Variants in CACNB2 observed in about 807,000 individuals in gnomAD.
The protein encoded by CACNB2 is calcium voltage-gated channel auxiliary subunit beta 2.
Under a neutral mutation model 73.3 loss-of-function variants are expected in CACNB2, and 42 were observed. The ratio of observed to expected loss-of-function variants is 0.57; its 90% CI spans 0.45 to 0.74. The LOEUF (loss-of-function observed/expected upper bound fraction) is 0.74, where lower values mean the gene tolerates loss of function less well. CACNB2 is among the 30% of genes least tolerant of loss of function. The pLI is 0.00. For synonymous variants in CACNB2, 348 were observed against 310.3 expected, an observed-to-expected ratio of 1.12 and a Z score of -1.28; for missense variants, 940 against 853.0, an observed-to-expected ratio of 1.10 and a Z score of -1.27.
At chr10:18,464,896 G>C (rs1270826952) in intron 3 of CACNB2, among the ~76,000 whole-genome samples, 1 of 152,248 alleles carries the variant, frequency 6.6e-6, no homozygotes, top group African/African-American at 2.4e-5. Context: ...AAAGAACCAA[G>C]AGGAAGGAGT....
intron 2 of CACNB2, among the ~76,000 whole-genome samples, chr10:18,324,206 A>G (rs1397875839): frequency 6.6e-6 from 1 of 152,224 alleles, no homozygotes; most frequent in East Asian, 1.9e-4. Flanking sequence ...GGAGAATTAT[A>G]TATTAGATAA....
At chr10:18,332,687 C>T (rs1159199856) in intron 2 of CACNB2, among the ~76,000 whole-genome samples, 1 of 152,028 alleles carries the variant, frequency 6.6e-6, no homozygotes, top group Non-Finnish European at 1.5e-5. Context: ...CACAGTGGGA[C>T]AAAAATAGCA....
intron 2 of CACNB2, among the ~76,000 whole-genome samples, chr10:18,226,298 A>T (rs1179330050): frequency 6.6e-6 from 1 of 152,174 alleles, no homozygotes; most frequent in Non-Finnish European, 1.5e-5. Flanking sequence ...GAGTACTGGG[A>T]TTACAGGTGT....
intron 9 of CACNB2, among the ~76,000 whole-genome samples, chr10:18,525,662 C>T (rs148396601): frequency 6.6e-6 from 1 of 152,194 alleles, no homozygotes; most frequent in East Asian, 1.9e-4. Context: ...TTCAGAAAAT[C>T]AGATCCTTAA....
intron 9 of CACNB2, among the ~76,000 whole-genome samples, chr10:18,526,919 T>A (rs1249757139): frequency 7.2e-5 from 11 of 152,164 alleles, no homozygotes; most frequent in Non-Finnish European, 1.5e-4. Context: ...CTTAGTTACA[T>A]ACATACCCTT....
intron 2 of CACNB2, among the ~76,000 whole-genome samples, chr10:18,266,740 C>T (rs2037820868): frequency 6.6e-6 from 1 of 151,970 alleles, no homozygotes; most frequent in Non-Finnish European, 1.5e-5. Context: ...AATACAAGAA[C>T]TTAGCCGTGC....
intron 2 of CACNB2, among the ~76,000 whole-genome samples, chr10:18,337,867 A>G (rs1261996766): frequency 2.0e-5 from 3 of 152,228 alleles, no homozygotes; most frequent in Admixed American, 6.5e-5. Context: ...ATGTTTTGAT[A>G]TTCATACACA....
At chr10:18,332,207 G>A (rs1348687686) in intron 2 of CACNB2, among the ~76,000 whole-genome samples, 1 of 152,174 alleles carries the variant, frequency 6.6e-6, no homozygotes, top group Non-Finnish European at 1.5e-5. Context: ...GACCTCTTTG[G>A]CTGCTCTATG....
At chr10:18,252,890 G>A (rs1004678599) in intron 2 of CACNB2, among the ~76,000 whole-genome samples, 1 of 151,794 alleles carries the variant, frequency 6.6e-6, no homozygotes, top group Admixed American at 6.6e-5. Context: ...TGATGGCTCG[G>A]GTGGAAAAGT....
intron 2 of CACNB2, among the ~76,000 whole-genome samples, chr10:18,313,830 C>T (rs184841026): frequency 6.6e-6 from 1 of 152,178 alleles, no homozygotes. Context: ...TAGCGAAAAA[C>T]ATTGTATTCT....
intron 2 of CACNB2, among the ~76,000 whole-genome samples, chr10:18,274,639 C>G (rs966992939): frequency 3.3e-5 from 5 of 152,104 alleles, no homozygotes; most frequent in African/African-American, 1.2e-4. Flanking sequence ...CACACCTTCA[C>G]TTAATTTAGT....
chr10:18,432,623 C>G (rs1485345825), intron 3 of CACNB2, among the ~76,000 whole-genome samples: 2 of 152,122 alleles, frequency 1.3e-5, no homozygotes, highest in African/African-American at 4.8e-5. Flanking sequence ...TGCTTGAGCT[C>G]AGGAGTTCCA....
At chr10:18,411,387 A>G (rs76927382) in intron 3 of CACNB2, among the ~76,000 whole-genome samples, 2,938 of 152,220 alleles carry the variant, frequency 0.019, 43 homozygotes, top group Non-Finnish European at 0.029. Flanking sequence ...CTCACCTCTA[A>G]TGTTAATTGA....
chr10:18,149,886 C>T (rs2031352682), intron 1 of CACNB2, among the ~76,000 whole-genome samples: 1 of 152,032 alleles, frequency 6.6e-6, no homozygotes, highest in African/African-American at 2.4e-5. Flanking sequence ...GCTATAAATA[C>T]ATTATTTCGT....
intron 2 of CACNB2, chr10:18,260,353 A>G: frequency 2.6e-6 from 2 of 783,104 alleles, no homozygotes; most frequent in Non-Finnish European, 3.1e-6. Flanking sequence ...GTGGTATGAG[A>G]TCTAATGAAT....
At chr10:18,538,056 C>T (rs2053780384) in intron 12 of CACNB2, 124 bp from the exon 13 acceptor site, 1 of 892,826 alleles carries the variant, frequency 1.1e-6, no homozygotes, top group Non-Finnish European at 1.9e-6. Flanking sequence ...AGTAGCAGCA[C>T]TTATAGAAGC....
At chr10:18,221,100 G>T (rs555100752) in intron 2 of CACNB2, among the ~76,000 whole-genome samples, 1 of 152,210 alleles carries the variant, frequency 6.6e-6, no homozygotes, top group African/African-American at 2.4e-5. Flanking sequence ...AGGGAGGAGA[G>T]AAGGGCAGGG....
rs78812809 is a variant in CACNB2, at chr10:18,538,936, T to A, written c.1489-294T>A. Among the ~76,000 whole-genome samples the A allele has an allele frequency of 4.1e-3, 621 of 152,078 alleles. 6 individuals are homozygous for A. The highest frequency in any genetic ancestry group is 0.014 in the African/African-American group (590 of 41,486). On this transcript the variant is annotated intron_variant, in intron 13 of 13. Transcript: ENST00000324631. Reference sequence around the variant, plus strand: ...AAATCTCAGGGACCTGCATCTGTATTTGAGCCACAGGAGAATAAATAAAAG... The same window carrying A: ...AAATCTCAGGGACCTGCATCTGTATATGAGCCACAGGAGAATAAATAAAAG...
At chr10:18,434,352 T>G (rs556592203) in intron 3 of CACNB2, among the ~76,000 whole-genome samples, 70 of 152,196 alleles carry the variant, frequency 4.6e-4, no homozygotes, top group African/African-American at 1.6e-3. Flanking sequence ...CTGAAAGGAC[T>G]GAAGGAATAA....
Sources: allele counts gnomAD v4.1 joint callset (sites outside exome capture counted in the v4.1 genomes callset), GRCh38; gene constraint gnomAD v4.1.1; transcripts MANE v1.5; gene names NCBI Gene and HGNC (gene_info 2026-07-23, HGNC 2026-07-21).